The following SIK2 variants were observed in gnomAD, a reference collection of about 807,000 sequenced individuals.
SIK2 encodes salt inducible kinase 2, also known as serine/threonine-protein kinase SIK2.
A neutral mutation model predicts 103.2 loss-of-function variants in SIK2; 29 were observed. The observed-to-expected ratio is 0.28, with a 90% confidence interval of 0.21 to 0.38. The LOEUF (loss-of-function observed/expected upper bound fraction) is 0.38. SIK2 is among the 10% of genes least tolerant of loss of function. SIK2 has a pLI of 1.00. For synonymous variants in SIK2, 412 were observed against 446.1 expected (o/e 0.92, Z 0.96); for missense variants, 879 against 1,171.0 (o/e 0.75, Z 3.64).
intron 4 of SIK2, among the ~76,000 whole-genome samples, chr11:111,699,009 T>C (rs1943147227): frequency 1.3e-5 from 2 of 152,234 alleles, no homozygotes. Context: ...GTATAGTTTT[T>C]CTAGAAAATT....
chr11:111,672,546 T>C, intron 3 of SIK2: 1 of 181,590 alleles, frequency 5.5e-6, no homozygotes, highest in Non-Finnish European at 1.2e-5. Context: ...TCTTAATTCC[T>C]AGAAAGCAAA....
chr11:111,606,310 T>C (rs1224001973), intron 1 of SIK2, among the ~76,000 whole-genome samples: 1 of 151,588 alleles, frequency 6.6e-6, no homozygotes, highest in Non-Finnish European at 1.5e-5. Flanking sequence ...TCTCTTATTA[T>C]AATATAAAAA....
chr11:111,674,276 C>G (rs774553002), intron 3 of SIK2, among the ~76,000 whole-genome samples: 5 of 152,096 alleles, frequency 3.3e-5, no homozygotes, highest in Non-Finnish European at 7.4e-5. Flanking sequence ...ACCCCTCTGT[C>G]TCTTTTATCT....
chr11:111,657,051 T>C (rs10891285), intron 3 of SIK2, among the ~76,000 whole-genome samples: 89,315 of 152,108 alleles, frequency 0.59, 30,319 homozygotes, highest in East Asian at 0.96. Context: ...CTACAACTTG[T>C]ATAAGATGTG....
chr11:111,720,411 C>T lies in SIK2; in HGVS notation c.1496-67C>T, dbSNP rs145846639. 10 of 1,469,404 alleles carry T rather than the reference C, an allele frequency of 6.8e-6. No individual in the cohort carries two copies. In the East Asian group the frequency reaches 2.3e-4, roughly 34 times the overall value. The allele number at this position is 1,469,404 out of a possible 1,614,324, so 91.0% of individuals were successfully genotyped here. ...GCTGTCAAAACTCAAGCTGGTTATG[C>T]TTTGTACCCTATGTTCCAAGGAGAT... is the stretch of plus-strand genomic sequence containing the variant. On this transcript the variant is annotated intron_variant, in intron 10 of 14. Transcript: ENST00000304987.
At chr11:111,632,588 C>G (rs1326617646) in intron 3 of SIK2, among the ~76,000 whole-genome samples, 1 of 152,144 alleles carries the variant, frequency 6.6e-6, no homozygotes, top group South Asian at 2.1e-4. Flanking sequence ...GGACAGAGAC[C>G]TTACACAATT....
intron 1 of SIK2, among the ~76,000 whole-genome samples, chr11:111,615,727 A>G (rs1385843249): frequency 6.6e-6 from 1 of 152,220 alleles, no homozygotes; most frequent in Non-Finnish European, 1.5e-5. Flanking sequence ...TTTAAAAGAA[A>G]GTCCAATTGT....
chr11:111,658,648 A>G (rs1171728744), intron 3 of SIK2, among the ~76,000 whole-genome samples: 2 of 152,062 alleles, frequency 1.3e-5, no homozygotes, highest in African/African-American at 2.4e-5. Context: ...AGGCTGAGGT[A>G]GGAGAATCAC....
chr11:111,662,697 C>T (rs189944250), intron 3 of SIK2, among the ~76,000 whole-genome samples: 14 of 151,642 alleles, frequency 9.2e-5, no homozygotes, highest in Non-Finnish European at 1.9e-4. Flanking sequence ...GGCAACATGG[C>T]GATACCCTGT....
rs554690660 is a variant in SIK2, at chr11:111,647,890, C to G, written c.316+27488C>G. Among the ~76,000 whole-genome samples, 3 of 152,054 alleles carry G rather than the reference C, an allele frequency of 2.0e-5. No homozygotes were observed. The East Asian group carries it at 5.8e-4, about 29-fold the overall frequency. ...CTCAAAAAAAAAGAAAAAGAAAAAC[C>G]TCCTTTTTTGTCATGAAGATGGTTT... On this transcript the variant is annotated intron_variant, in intron 3 of 14. Transcript: ENST00000304987.
intron 1 of SIK2, among the ~76,000 whole-genome samples, chr11:111,615,920 T>C (rs959944964): frequency 1.3e-5 from 2 of 152,216 alleles, no homozygotes; most frequent in South Asian, 2.1e-4. Context: ...CTAGTTGATA[T>C]AGCTACTAAT....
chr11:111,622,802 T>C (rs1393698207), intron 3 of SIK2, among the ~76,000 whole-genome samples: 1 of 152,194 alleles, frequency 6.6e-6, no homozygotes, highest in Non-Finnish European at 1.5e-5. Flanking sequence ...GTGTATATAA[T>C]GTGCCTTTTT....
intron 8 of SIK2, among the ~76,000 whole-genome samples, chr11:111,711,342 C>T (rs535473870): frequency 1.3e-5 from 2 of 152,202 alleles, no homozygotes; most frequent in Admixed American, 6.5e-5. Context: ...AGGATGGTCT[C>T]GATCTCCTGA....
chr11:111,614,421 C>T (rs373114244), intron 1 of SIK2, among the ~76,000 whole-genome samples: 42 of 152,210 alleles, frequency 2.8e-4, no homozygotes, highest in African/African-American at 9.4e-4. Flanking sequence ...CTACTGTTCA[C>T]TGGAAGCCTT....
chr11:111,665,305 C>G (rs1426325676), intron 3 of SIK2, among the ~76,000 whole-genome samples: 1 of 151,212 alleles, frequency 6.6e-6, no homozygotes, highest in East Asian at 2.0e-4. Context: ...TACACACACA[C>G]TAGCCGGGTG....
intron 3 of SIK2, among the ~76,000 whole-genome samples, chr11:111,666,897 C>G (rs1001927174): frequency 6.6e-6 from 1 of 151,750 alleles, no homozygotes; most frequent in Non-Finnish European, 1.5e-5. Context: ...CATATTTACA[C>G]TCTGTATTAC....
At chr11:111,698,675 C>T (rs942287924) in intron 4 of SIK2, among the ~76,000 whole-genome samples, 2 of 152,192 alleles carry the variant, frequency 1.3e-5, no homozygotes, top group African/African-American at 2.4e-5. Context: ...CGTGCCATTG[C>T]ACTCTAGCCT....
chr11:111,703,843 G>A (rs1407139264), intron 7 of SIK2, among the ~76,000 whole-genome samples: 1 of 152,190 alleles, frequency 6.6e-6, no homozygotes. Flanking sequence ...TTTAGATTGT[G>A]AACTGGAGAA....
Position 111,722,637 on chromosome 11 carries a change from C to T in SIK2, c.2056-28C>T, listed in dbSNP as rs138243363. 165 of 1,604,374 alleles carry T rather than the reference C, an allele frequency of 1.0e-4. 3 individuals carry two copies. The South Asian group carries it at 1.5e-3, about 14-fold the overall frequency. On this transcript the variant is annotated intron_variant, in intron 13 of 14. Coordinates refer to ENST00000304987, the MANE Select transcript of SIK2 (RefSeq NM_015191.3). The surrounding 1 kb of genome is among the most constrained non-coding windows in gnomAD (Gnocchi z 4.4). ...CATCCTAGGTGACAGCACATTGTCA[C>T]GCTCATGTTGTTTTTCTGCTCTTCC...
Sources: allele counts gnomAD v4.1 joint callset (sites outside exome capture counted in the v4.1 genomes callset), GRCh38; gene constraint gnomAD v4.1.1; non-coding constraint Gnocchi (gnomAD v3.1); transcripts MANE v1.5; gene names NCBI Gene and HGNC (gene_info 2026-07-23, HGNC 2026-07-21).